SLC38A6: variants seen among roughly 807,000 people sequenced by gnomAD.
The protein encoded by SLC38A6 is N system amino acid transporter NAT-1.
Under a neutral mutation model 65.0 loss-of-function variants are expected in SLC38A6, and 73 were observed. That is an observed-to-expected ratio of 1.12 (90% CI 0.93 to 1.37). The LOEUF is 1.37. Among genes scored for constraint, SLC38A6 ranks in the 40% most tolerant of loss-of-function variants. The probability of loss-of-function intolerance (pLI) is 0.00; values close to 1 mark genes in which losing one functional copy is unlikely to be tolerated. For synonymous variants in SLC38A6, 183 were observed against 178.8 expected (o/e 1.02, Z -0.19); for missense variants, 561 against 531.1 (o/e 1.06, Z -0.55).
At position 60,981,292 on chromosome 14, in the gene SLC38A6, G is replaced by T. The variant is rs751058053; in HGVS notation, c.15G>T (p.Trp5Cys). Reference sequence around the variant, plus strand: ...TGGAGAGCAGCATGGAGGCGTCCTGGGGGAGCTTCAACGCTGAGCGGGGCT... The same window carrying T: ...TGGAGAGCAGCATGGAGGCGTCCTGTGGGAGCTTCAACGCTGAGCGGGGCT... MEAS[W>C]GSFNAERGWY... The change falls in exon 1 of 16, where the codon TGG becomes TGT. Residue 5 changes from tryptophan (W) to cysteine (C), a missense_variant. By Grantham distance (215) the Trp-to-Cys change is radical. Transcript: ENST00000267488. The T allele has an allele frequency of 5.6e-6, 9 of 1,607,178 alleles. No individual in the cohort carries two copies. The African/African-American group carries it at 1.2e-4, about 21-fold the overall frequency.
At chr14:61,078,317 G>A (rs2043501870) in intron 15 of SLC38A6, among the ~76,000 whole-genome samples, 1 of 152,172 alleles carries the variant, frequency 6.6e-6, no homozygotes, top group Non-Finnish European at 1.5e-5. Context: ...GTAGAAATGA[G>A]AATGAAAGGA....
In SLC38A6 at chr14:61,074,558, AC is replaced by A. The variant is rs375942972; in HGVS notation, c.1291-4249del. The stretch of plus-strand genomic sequence containing the variant: ...GGTCTCACCCTCATCACTTAATCTA[AC>A]CCTGATTATCTCCCAAAGACCCCAT... On this transcript the variant is annotated intron_variant, in intron 15 of 16. Transcript: ENST00000354886. Among the ~76,000 whole-genome samples, 11 of 151,954 alleles carry A rather than the reference AC, an allele frequency of 7.2e-5. No homozygotes were observed. The East Asian group carries it at 1.7e-3, about 24-fold the overall frequency.
chr14:61,043,114 T>G, intron 8 of SLC38A6, 33 bp from the exon 9 acceptor site: 12 of 1,309,830 alleles, frequency 9.2e-6, no homozygotes, highest in Non-Finnish European at 1.3e-5. Flanking sequence ...TTATAAGAAA[T>G]GATCTGAGTG....
downstream of SLC38A6, among the ~76,000 whole-genome samples, chr14:61,055,106 C>CTTTTTTTTTTT (rs1280245361): frequency 1.1e-3 from 67 of 63,272 alleles, 1 homozygote; most frequent in Non-Finnish European, 1.2e-3. Flanking sequence ...AAGTCTTTTT[C>CTTTTTTTTTTT]TTTTTTTTTT....
chr14:61,075,464 C>T (rs1454974048), intron 15 of SLC38A6, among the ~76,000 whole-genome samples: 3 of 152,156 alleles, frequency 2.0e-5, no homozygotes, highest in Admixed American at 6.5e-5. Flanking sequence ...GGACGATCCT[C>T]ATATGAGGGA....
chr14:61,053,598 A>G (rs1473344039), downstream of SLC38A6, among the ~76,000 whole-genome samples: 1 of 152,030 alleles, frequency 6.6e-6, no homozygotes, highest in Non-Finnish European at 1.5e-5. Flanking sequence ...GGGAGATGAT[A>G]ATCTCCTTGT....
chr14:60,991,694 T>C (rs1361978889), intron 3 of SLC38A6, among the ~76,000 whole-genome samples: 2 of 152,200 alleles, frequency 1.3e-5, no homozygotes, highest in East Asian at 1.9e-4. Context: ...TTGACAAATC[T>C]TACCTCTTCT....
At chr14:61,061,597 A>T (rs1001827650) in intron 15 of SLC38A6, among the ~76,000 whole-genome samples, 3 of 152,180 alleles carry the variant, frequency 2.0e-5, no homozygotes, top group African/African-American at 7.2e-5. Flanking sequence ...TTGCAATCCT[A>T]TAGTATGTAG....
chr14:61,045,304 G>A (rs750088693), intron 10 of SLC38A6, 42 bp from the exon 11 acceptor site: 70 of 1,233,696 alleles, frequency 5.7e-5, no homozygotes, highest in Non-Finnish European at 7.3e-5. Flanking sequence ...GGTTTCAGTA[G>A]AGTGGCATTT....
In SLC38A6 at chr14:60,982,244, G is replaced by A. The variant is rs1415189415; in HGVS notation, c.106-264G>A. On this transcript the variant is annotated intron_variant, in intron 1 of 15. Transcript: ENST00000267488. ...TATCTTCATCTCTTGCAGTCACAAGGTTAGTCATGGCCCTTCCTGAACTCT... is the reference window on the plus strand; with the variant it reads ...TATCTTCATCTCTTGCAGTCACAAGATTAGTCATGGCCCTTCCTGAACTCT... 5.8e-6 allele frequency: 3 copies of A among 516,868 alleles called. No individual in the cohort carries two copies. In the Admixed American group the frequency reaches 6.8e-5, roughly 12 times the overall value. 32.0% of individuals were successfully genotyped at this position (516,868 alleles called of 1,614,324 possible).
At chr14:61,009,006 C>G (rs1040761906) in intron 3 of SLC38A6, among the ~76,000 whole-genome samples, 2 of 152,012 alleles carry the variant, frequency 1.3e-5, no homozygotes, top group South Asian at 4.2e-4. Flanking sequence ...GTTAGACAAC[C>G]ATGAAATGTG....
intron 3 of SLC38A6, among the ~76,000 whole-genome samples, chr14:61,014,404 C>T (rs1377139627): frequency 6.6e-6 from 1 of 152,198 alleles, no homozygotes; most frequent in Non-Finnish European, 1.5e-5. Context: ...ATTCTCCATC[C>T]AGCTTTGTTC....
chr14:61,051,189 C>T (rs980084425), intron 13 of SLC38A6, among the ~76,000 whole-genome samples: 1 of 152,192 alleles, frequency 6.6e-6, no homozygotes, highest in Admixed American at 6.5e-5. Context: ...ATAAATGCAT[C>T]TGCATGGATG....
chr14:61,064,997 C>T (rs968225989), intron 15 of SLC38A6, among the ~76,000 whole-genome samples: 1 of 152,042 alleles, frequency 6.6e-6, no homozygotes, highest in Non-Finnish European at 1.5e-5. Context: ...GGGGGTAATT[C>T]ACACCTCTGC....
intron 15 of SLC38A6, among the ~76,000 whole-genome samples, chr14:61,062,157 AT>A (rs1343048654): frequency 1.3e-5 from 2 of 152,150 alleles, no homozygotes; most frequent in African/African-American, 2.4e-5. Context: ...TGTAGACATA[AT>A]TTGCAGCTTA....
At chr14:61,035,342 A>G (rs1280267643) in intron 6 of SLC38A6, among the ~76,000 whole-genome samples, 2 of 152,150 alleles carry the variant, frequency 1.3e-5, no homozygotes, top group Non-Finnish European at 2.9e-5. Flanking sequence ...TATAGTTAAT[A>G]ATTATATTTA....
intron 12 of SLC38A6, among the ~76,000 whole-genome samples, chr14:61,048,534 A>G (rs911987354): frequency 3.3e-5 from 5 of 152,176 alleles, no homozygotes; most frequent in African/African-American, 1.2e-4. Context: ...TTAAGAACAC[A>G]GAGTGACTGG....
intron 8 of SLC38A6, among the ~76,000 whole-genome samples, chr14:61,038,205 A>G (rs1011993974): frequency 1.3e-5 from 2 of 152,086 alleles, no homozygotes; most frequent in Admixed American, 1.3e-4. Flanking sequence ...ATTTTTCTTC[A>G]CATGTGGGAT....
intron 3 of SLC38A6, among the ~76,000 whole-genome samples, chr14:61,005,028 T>A (rs1234014451): frequency 6.6e-6 from 1 of 152,102 alleles, no homozygotes; most frequent in East Asian, 1.9e-4. Flanking sequence ...CAAGGCTGGT[T>A]CAATATACGC....
Sources: allele counts gnomAD v4.1 joint callset (sites outside exome capture counted in the v4.1 genomes callset), GRCh38; gene constraint gnomAD v4.1.1; transcripts MANE v1.5; gene names NCBI Gene and HGNC (gene_info 2026-07-23, HGNC 2026-07-21).